The following GPC5 variants were observed in gnomAD, a reference collection of about 807,000 sequenced individuals.
GPC5 encodes the protein glypican 5, also known as glypican-5.
GPC5 carries 47 observed loss-of-function variants against 53.9 expected under a neutral mutation model. The ratio of observed to expected loss-of-function variants is 0.87; its 90% CI spans 0.69 to 1.11. The LOEUF is 1.11. Among genes scored for constraint, GPC5 ranks in the 50% most tolerant of loss-of-function variants. The probability of loss-of-function intolerance (pLI) is 0.00; values close to 1 mark genes in which losing one functional copy is unlikely to be tolerated. For synonymous variants in GPC5, 286 were observed against 263.3 expected (o/e 1.09, Z -0.84); for missense variants, 748 against 713.1 (o/e 1.05, Z -0.56).
At chr13:91,964,796 C>A (rs925854750) in intron 6 of GPC5, among the ~76,000 whole-genome samples, 5 of 151,992 alleles carry the variant, frequency 3.3e-5, no homozygotes, top group African/African-American at 1.2e-4. Context: ...GTGTTTATTG[C>A]GGCACTATTC....
At chr13:92,125,729 G>A (rs1338864484) in intron 6 of GPC5, among the ~76,000 whole-genome samples, 3 of 152,028 alleles carry the variant, frequency 2.0e-5, no homozygotes, top group Non-Finnish European at 4.4e-5. Context: ...TATGTTATCT[G>A]TACTAGACAC....
intron 1 of GPC5, among the ~76,000 whole-genome samples, chr13:91,415,143 G>A (rs1465030558): frequency 6.6e-6 from 1 of 152,120 alleles, no homozygotes; most frequent in East Asian, 1.9e-4. Flanking sequence ...ACAATTGAAG[G>A]CTCTGACTTC....
At chr13:92,421,819 T>C (rs1286336281) in intron 7 of GPC5, among the ~76,000 whole-genome samples, 1 of 151,674 alleles carries the variant, frequency 6.6e-6, no homozygotes, top group Non-Finnish European at 1.5e-5. Context: ...TGTCTTCATA[T>C]AGCCAGAGCA....
chr13:92,654,106 C>G (rs1346439860), intron 7 of GPC5, among the ~76,000 whole-genome samples: 2 of 152,166 alleles, frequency 1.3e-5, no homozygotes, highest in Non-Finnish European at 1.5e-5. Flanking sequence ...TTTTGCTATT[C>G]TTTGTAAATT....
Position 91,511,960 on chromosome 13 carries a change from G to A in GPC5, c.325+63038G>A, listed in dbSNP as rs186516357. Among the ~76,000 whole-genome samples the A allele has an allele frequency of 7.2e-5, 11 of 152,194 alleles. No homozygotes were observed. In the East Asian group the frequency reaches 1.7e-3, roughly 24 times the overall value. ...AGGGGAGACTGAAATAAATGAGAAT[G>A]TACCCCCACAAAGGAGAATATCCCT... On this transcript the variant is annotated intron_variant, in intron 2 of 7. Transcript: ENST00000377067.
intron 7 of GPC5, among the ~76,000 whole-genome samples, chr13:92,317,227 A>C (rs1401006541): frequency 6.6e-6 from 1 of 152,060 alleles, no homozygotes; most frequent in Non-Finnish European, 1.5e-5. Context: ...ATCATGATAG[A>C]TAGTGTGCCT....
chr13:91,990,677 A>C (rs1186034335), intron 6 of GPC5, among the ~76,000 whole-genome samples: 1 of 152,228 alleles, frequency 6.6e-6, no homozygotes, highest in African/African-American at 2.4e-5. Flanking sequence ...GGTGCTGTGC[A>C]CAGTGTATCA....
At position 92,254,603 on chromosome 13, in the gene GPC5, A is replaced by G. The variant is rs141578707; in HGVS notation, c.1561+109614A>G. 2.1e-3 allele frequency among the ~76,000 whole-genome samples: 325 copies of G among 152,296 alleles called. 2 individuals are homozygous for G. Among genetic ancestry groups the G allele is most frequent in the African/African-American group, 7.6e-3 (316 of 41,572 alleles). ...CATCTTCATGCTGCTATAAGGATGT[A>G]TCCAAGACTGAGTAATTTATAAAGG... On this transcript the variant is annotated intron_variant, in intron 7 of 7. Transcript: ENST00000377067.
intron 5 of GPC5, among the ~76,000 whole-genome samples, chr13:91,781,492 T>C (rs2037798578): frequency 6.6e-6 from 1 of 152,232 alleles, no homozygotes; most frequent in Admixed American, 6.5e-5. Context: ...AAAGATCATA[T>C]GTGGATCATT....
intron 7 of GPC5, among the ~76,000 whole-genome samples, chr13:92,148,775 C>A (rs576334061): frequency 6.6e-6 from 1 of 152,016 alleles, no homozygotes; most frequent in Admixed American, 6.6e-5. Flanking sequence ...AAAAATAATT[C>A]TCTTCTTTTG....
chr13:91,456,832 A>ATTT (rs67560339), intron 2 of GPC5, among the ~76,000 whole-genome samples: 38 of 143,256 alleles, frequency 2.7e-4, no homozygotes, highest in East Asian at 1.4e-3. Context: ...TGAATATGGG[A>ATTT]TTTTTTTTTT....
At chr13:92,609,033 G>C (rs1566317707) in intron 7 of GPC5, among the ~76,000 whole-genome samples, 1 of 151,728 alleles carries the variant, frequency 6.6e-6, no homozygotes, top group African/African-American at 2.4e-5. Flanking sequence ...CCTATATGCA[G>C]TTTTCCCCAA....
At chr13:91,592,246 G>A (rs952026844) in intron 2 of GPC5, among the ~76,000 whole-genome samples, 1 of 152,136 alleles carries the variant, frequency 6.6e-6, no homozygotes, top group Non-Finnish European at 1.5e-5. Flanking sequence ...CCAGTAGATG[G>A]CACTTTAAGA....
At chr13:92,571,262 T>C (rs1473525758) in intron 7 of GPC5, among the ~76,000 whole-genome samples, 2 of 152,180 alleles carry the variant, frequency 1.3e-5, no homozygotes, top group Non-Finnish European at 2.9e-5. Context: ...AGTTCTATTC[T>C]CACCATAATC....
chr13:91,812,460 C>T (rs186295390), intron 5 of GPC5, among the ~76,000 whole-genome samples: 55 of 152,316 alleles, frequency 3.6e-4, no homozygotes, highest in African/African-American at 1.3e-3. Flanking sequence ...CTCTGCCACA[C>T]ACTTATGAAG....
intron 7 of GPC5, among the ~76,000 whole-genome samples, chr13:92,652,217 A>G (rs1221969816): frequency 6.6e-6 from 1 of 152,132 alleles, no homozygotes; most frequent in African/African-American, 2.4e-5. Flanking sequence ...CTTTTCTCAG[A>G]TATATTTTAA....
In GPC5 at chr13:92,656,774, T is replaced by A. The variant is rs77735063; in HGVS notation, c.1562-209508T>A. ...TTCGAGACCAACCTGGGCAATATAG[T>A]GAACCCCATTTCTACAAAAGCAAAC... On this transcript the variant is annotated intron_variant, in intron 7 of 7. Transcript: ENST00000377067. 3.0e-3 allele frequency among the ~76,000 whole-genome samples: 454 copies of A among 152,264 alleles called. 2 individuals carry two copies. Among genetic ancestry groups the A allele is most frequent in the African/African-American group, 0.01 (419 of 41,548 alleles).
At chr13:92,595,447 G>T (rs887116394) in intron 7 of GPC5, among the ~76,000 whole-genome samples, 1 of 152,248 alleles carries the variant, frequency 6.6e-6, no homozygotes, top group Middle Eastern at 3.4e-3. Context: ...ATTATGAGTT[G>T]TGCGTAGACC....
chr13:91,432,154 A>G (rs1879498819), intron 1 of GPC5, among the ~76,000 whole-genome samples: 1 of 149,634 alleles, frequency 6.7e-6, no homozygotes, highest in Non-Finnish European at 1.5e-5. Flanking sequence ...TAATTTTCTC[A>G]TCCCTCATGT....
Sources: allele counts gnomAD v4.1 joint callset (sites outside exome capture counted in the v4.1 genomes callset), GRCh38; gene constraint gnomAD v4.1.1; transcripts MANE v1.5; gene names NCBI Gene and HGNC (gene_info 2026-07-23, HGNC 2026-07-21).